The following CYB5R4 variants were observed in gnomAD, a reference collection of about 807,000 sequenced individuals.
CYB5R4 encodes the protein N-terminal cytochrome b5 and cytochrome b5 oxidoreductase domain-containing protein.
A neutral mutation model predicts 70.2 loss-of-function variants in CYB5R4; 55 were observed. The observed-to-expected ratio is 0.78, with a 90% confidence interval of 0.63 to 0.98. CYB5R4 has a LOEUF of 0.98. Among genes scored for constraint, CYB5R4 ranks in the 50% least tolerant of loss-of-function variants. The pLI, the probability that CYB5R4 is intolerant of heterozygous loss-of-function variation, is 0.00. For synonymous variants in CYB5R4, 197 were observed against 199.5 expected (o/e 0.99, Z 0.11); for missense variants, 562 against 612.6 (o/e 0.92, Z 0.87).
At chr6:83,895,925 A>G (rs1047637331) in intron 3 of CYB5R4, among the ~76,000 whole-genome samples, 3 of 152,240 alleles carry the variant, frequency 2.0e-5, no homozygotes, top group East Asian at 1.9e-4. Flanking sequence ...TAATTTCCTT[A>G]TTGTCCTATT....
chr6:83,868,396 G>T (rs997501824), intron 2 of CYB5R4, among the ~76,000 whole-genome samples: 1 of 152,120 alleles, frequency 6.6e-6, no homozygotes, highest in Non-Finnish European at 1.5e-5. Flanking sequence ...GTTCAGGTGT[G>T]CCGAGCCTAG....
At chr6:83,921,706 A>G (rs1234965939) in intron 8 of CYB5R4, among the ~76,000 whole-genome samples, 2 of 152,258 alleles carry the variant, frequency 1.3e-5, no homozygotes, top group Non-Finnish European at 2.9e-5. Context: ...CTACACTAGC[A>G]TACATATTTT....
In CYB5R4 at chr6:83,961,439, G is replaced by A. The variant is rs1412727806; in HGVS notation, c.*1561G>A. 6.6e-6 allele frequency: 1 copy of A among 151,984 alleles called. No homozygotes were observed. Among genetic ancestry groups the A allele is most frequent in the African/African-American group, 2.4e-5 (1 of 41,376 alleles). The allele number at this position is 151,984 out of a possible 1,614,324, so 9.4% of individuals were successfully genotyped here. On this transcript the variant is annotated 3_prime_UTR_variant, in exon 16 of 16. Transcript: ENST00000369681. ...GGTGGGAGGTGATTGGATCATGGGA[G>A]TGATTGCCCCCATGCTGTTCTCATG...
At position 83,955,465 on chromosome 6, in the gene CYB5R4, G is replaced by A. The variant is rs748282444; in HGVS notation, c.1511+3G>A. Reference sequence around the variant, plus strand: ...CCATTTACAGAACAAGGAGTAAGGTGAGTAACAGTGTAGTAGGAAACAGAC... The same window carrying A: ...CCATTTACAGAACAAGGAGTAAGGTAAGTAACAGTGTAGTAGGAAACAGAC... On this transcript the variant is annotated splice_donor_region_variant and intron_variant, in intron 15 of 15. Coordinates refer to ENST00000369681, the MANE Select transcript of CYB5R4 (RefSeq NM_016230.4). 1.9e-6 allele frequency: 3 copies of A among 1,612,276 alleles called. No individual in the cohort carries two copies. In the South Asian group the frequency reaches 3.3e-5, roughly 18 times the overall value.
chr6:83,904,161 T>A (rs1422543862), intron 3 of CYB5R4, among the ~76,000 whole-genome samples: 1 of 152,158 alleles, frequency 6.6e-6, no homozygotes, highest in African/African-American at 2.4e-5. Flanking sequence ...TCAACTTTTT[T>A]GGAGTAGGCA....
At chr6:83,937,897 C>A (rs1355156320) in intron 12 of CYB5R4, among the ~76,000 whole-genome samples, 1 of 152,166 alleles carries the variant, frequency 6.6e-6, no homozygotes, top group Admixed American at 6.5e-5. Context: ...TGCTTCTGCT[C>A]CCTTTTGGTG....
Position 83,910,137 on chromosome 6 carries a change from C to CA in CYB5R4, c.412+1047_412+1048insA, listed in dbSNP as rs1554418844. ...GGACCTATAGTGGGCTGAGACATTA[C>CA]TTTCAAAGATTTCTTTTACTGTCAC... is the stretch of plus-strand genomic sequence containing the variant. On this transcript the variant is annotated intron_variant, in intron 4 of 15. Coordinates refer to ENST00000369681, the MANE Select transcript of CYB5R4 (RefSeq NM_016230.4). 4.4e-3 allele frequency: 7,141 copies of CA among 1,609,826 alleles called. 307 individuals carry two copies. The African/African-American group carries it at 0.085, about 19-fold the overall frequency.
chr6:83,952,138 C>G (rs555114151), intron 14 of CYB5R4, among the ~76,000 whole-genome samples: 1 of 152,214 alleles, frequency 6.6e-6, no homozygotes, highest in South Asian at 2.1e-4. Context: ...TAAAGGGATT[C>G]TAAGCAGCAT....
At chr6:83,864,099 T>G in intron 1 of CYB5R4, 76 bp from the exon 2 acceptor site, 4 of 1,312,764 alleles carry the variant, frequency 3.0e-6, no homozygotes, top group Non-Finnish European at 4.1e-6. Flanking sequence ...AAGTGTTAGA[T>G]TTGAGTTTTA....
At position 83,954,546 on chromosome 6, in the gene CYB5R4, ACCTC is replaced by A. The variant is rs1562847955; in HGVS notation, c.1347-746_1347-743del. The stretch of plus-strand genomic sequence containing the variant: ...TTTCAGCCCTTGCCCCTTTCCCTAC[ACCTC>A]CCTCCTTTTGGAGCCCCCAGTGTCT... On this transcript the variant is annotated intron_variant, in intron 14 of 15. Coordinates refer to ENST00000369681, the MANE Select transcript of CYB5R4 (RefSeq NM_016230.4). Among the ~76,000 whole-genome samples the A allele has an allele frequency of 2.0e-5, 3 of 151,050 alleles. No homozygotes were observed. In the East Asian group the frequency reaches 5.8e-4, roughly 29 times the overall value.
At chr6:83,913,074 G>A (rs923520824) in intron 4 of CYB5R4, among the ~76,000 whole-genome samples, 2 of 152,154 alleles carry the variant, frequency 1.3e-5, no homozygotes, top group East Asian at 3.9e-4. Flanking sequence ...TGATAAATGA[G>A]ATTTATTAAA....
intron 14 of CYB5R4, among the ~76,000 whole-genome samples, chr6:83,947,255 C>T (rs1459483163): frequency 6.6e-6 from 1 of 152,020 alleles, no homozygotes; most frequent in African/African-American, 2.4e-5. Context: ...TAATGCCACA[C>T]ATTTACAACC....
chr6:83,919,101 A>G (rs2099465957), intron 6 of CYB5R4, among the ~76,000 whole-genome samples: 1 of 152,124 alleles, frequency 6.6e-6, no homozygotes, highest in South Asian at 2.1e-4. Flanking sequence ...TTTTGCTCTG[A>G]TAAAAGAAGA....
chr6:83,949,111 G>C (rs75198101), intron 14 of CYB5R4, among the ~76,000 whole-genome samples: 1 of 148,042 alleles, frequency 6.8e-6, no homozygotes. Flanking sequence ...CTGGCGTTTT[G>C]GGCTTTTTTT....
chr6:83,898,143 A>G (rs914792992), intron 3 of CYB5R4, among the ~76,000 whole-genome samples: 2 of 152,164 alleles, frequency 1.3e-5, no homozygotes, highest in Admixed American at 6.5e-5. Context: ...TTTTTGTGTA[A>G]GATGTAAGGA....
intron 2 of CYB5R4, among the ~76,000 whole-genome samples, chr6:83,883,227 G>A (rs1381119707): frequency 6.6e-6 from 1 of 152,046 alleles, no homozygotes; most frequent in African/African-American, 2.4e-5. Flanking sequence ...GGACTCAGGG[G>A]CCTGTCAGAC....
In CYB5R4 at chr6:83,859,863, C is replaced by T; in HGVS notation, c.75+6C>T. 3 of 1,608,790 alleles carry T rather than the reference C, an allele frequency of 1.9e-6. No individual in the cohort carries two copies. The South Asian group carries it at 3.3e-5, about 18-fold the overall frequency. Reference sequence around the variant, plus strand: ...CCTCCGGGGGGCGTAGCAAGGTAAGCGGGTGGCTCCGTGAGTCTCTCCCCT... The same window carrying T: ...CCTCCGGGGGGCGTAGCAAGGTAAGTGGGTGGCTCCGTGAGTCTCTCCCCT... On this transcript the variant is annotated splice_donor_region_variant and intron_variant, in intron 1 of 15. Coordinates refer to ENST00000369681, the MANE Select transcript of CYB5R4 (RefSeq NM_016230.4).
At chr6:83,899,434 G>C (rs1196218463) in intron 3 of CYB5R4, among the ~76,000 whole-genome samples, 2 of 152,190 alleles carry the variant, frequency 1.3e-5, no homozygotes, top group African/African-American at 4.8e-5. Flanking sequence ...CTCTTTTTCT[G>C]TTGTGTCTCT....
chr6:83,872,072 A>G (rs189504026), intron 2 of CYB5R4, among the ~76,000 whole-genome samples: 2 of 152,204 alleles, frequency 1.3e-5, no homozygotes, highest in East Asian at 1.9e-4. Context: ...TTGCATCCTT[A>G]TATTTCTAGA....
Sources: gnomAD v4.1 joint callset for allele counts (sites outside exome capture counted in the v4.1 genomes callset) on GRCh38, gnomAD v4.1.1 for gene constraint, MANE v1.5 for transcripts, NCBI Gene and HGNC (gene_info 2026-07-23, HGNC 2026-07-21) for gene names.